Variants in TEX264 observed in about 807,000 individuals in gnomAD.
TEX264 encodes the protein testis expressed 264, ER-phagy receptor.
TEX264 carries 13 observed loss-of-function variants against 23.4 expected under a neutral mutation model. The observed-to-expected ratio is 0.56, with a 90% CI of 0.36 to 0.88. The LOEUF (loss-of-function observed/expected upper bound fraction) is 0.88. TEX264 is among the 40% of genes least tolerant of loss of function. The pLI, the probability that TEX264 is intolerant of heterozygous loss-of-function variation, is 0.01. For synonymous variants in TEX264, 159 were observed against 170.0 expected, an observed-to-expected ratio of 0.94 and a Z score of 0.50; for missense variants, 340 against 406.8, an observed-to-expected ratio of 0.84 and a Z score of 1.41.
intron 3 of TEX264, among the ~76,000 whole-genome samples, chr3:51,685,348 G>A (rs1380995560): frequency 6.6e-6 from 1 of 152,244 alleles, no homozygotes; most frequent in Non-Finnish European, 1.5e-5. Context: ...CATTTAACTT[G>A]TATTTATAGT....
At position 51,688,830 on chromosome 3, in the gene TEX264, G is replaced by T. The variant is rs565535071; in HGVS notation, c.480+4196G>T. Among the ~76,000 whole-genome samples the T allele has an allele frequency of 8.7e-4, 132 of 152,278 alleles. 1 individual carries two copies. Among genetic ancestry groups the T allele is most frequent in the Non-Finnish European group, 7.2e-4 (49 of 68,012 alleles). On this transcript the variant is annotated intron_variant, in intron 3 of 4. Transcript: ENST00000341333. ...GTTGACTGGGACTGTCTTACCAGGG[G>T]CTTAAAGGGGATAAGGCCAGGTGTG... is the stretch of plus-strand genomic sequence containing the variant.
chr3:51,684,411 A>G lies in TEX264; in HGVS notation c.259-2A>G. On this transcript the variant is annotated splice_acceptor_variant, in intron 2 of 4. Transcript: ENST00000341333. LOFTEE classifies it high-confidence loss of function. ...TCTCACACCCATGCTTTGCTTCCCC[A>G]GGTGCCCCCTGATAAGTGCCGATGT... 6.2e-7 allele frequency: 1 copy of G among 1,613,590 alleles called. No homozygotes were observed. Among genetic ancestry groups the G allele is most frequent in the Non-Finnish European group, 8.5e-7 (1 of 1,179,538 alleles).
At chr3:51,689,361 C>G (rs1211305891) in intron 3 of TEX264, among the ~76,000 whole-genome samples, 1 of 150,030 alleles carries the variant, frequency 6.7e-6, no homozygotes, top group African/African-American at 2.5e-5. Flanking sequence ...GCTCAGGAGA[C>G]AGAGGTTGCA....
At chr3:51,681,457 G>A (rs1306612820) in intron 2 of TEX264, 1 of 152,316 alleles carries the variant, frequency 6.6e-6, no homozygotes, top group Non-Finnish European at 1.5e-5. Flanking sequence ...AGAGAGGAGG[G>A]GCTGCTTGGT....
chr3:51,679,650 T>C (rs956166085), intron 2 of TEX264, among the ~76,000 whole-genome samples: 1 of 152,220 alleles, frequency 6.6e-6, no homozygotes, highest in African/African-American at 2.4e-5. Context: ...GAAGGCTGTT[T>C]GGATTTAATG....
At chr3:51,699,598 T>C (rs1703207047) in intron 4 of TEX264, 24 bp downstream of exon 4, 1 of 1,610,660 alleles carries the variant, frequency 6.2e-7, no homozygotes, top group Non-Finnish European at 8.5e-7. Flanking sequence ...GGTATGAGGA[T>C]GGGGCCCTCC....
At chr3:51,685,741 C>G (rs1311067579) in intron 3 of TEX264, among the ~76,000 whole-genome samples, 1 of 152,168 alleles carries the variant, frequency 6.6e-6, no homozygotes, top group East Asian at 1.9e-4. Flanking sequence ...AGATCTGGGA[C>G]CAGGTGGAGA....
intron 3 of TEX264, among the ~76,000 whole-genome samples, chr3:51,696,107 T>C (rs1162541283): frequency 1.3e-5 from 2 of 152,206 alleles, no homozygotes; most frequent in Non-Finnish European, 2.9e-5. Flanking sequence ...AGAGGCTTTA[T>C]AGTCTCCTTG....
In TEX264 at chr3:51,701,521, C is replaced by T. The variant is rs112684899; in HGVS notation, c.649+1947C>T. On this transcript the variant is annotated intron_variant, in intron 4 of 4. Transcript: ENST00000341333. The stretch of plus-strand genomic sequence containing the variant: ...TGTATTTTTTATAGAGATGGTGTTT[C>T]GCCATATTGCCCAGGCTGGCCTTGA... Among the ~76,000 whole-genome samples, 177 of 152,032 alleles carry T rather than the reference C, an allele frequency of 1.2e-3. 3 individuals are homozygous for T. In the South Asian group the frequency reaches 0.032, roughly 28 times the overall value.
intron 3 of TEX264, among the ~76,000 whole-genome samples, chr3:51,695,732 C>A (rs1703031013): frequency 1.3e-5 from 2 of 152,148 alleles, no homozygotes; most frequent in South Asian, 4.1e-4. Context: ...TGTGGTGTGT[C>A]CCCAAGGTAG....
At chr3:51,698,701 C>T (rs1164482701) in intron 3 of TEX264, among the ~76,000 whole-genome samples, 1 of 152,174 alleles carries the variant, frequency 6.6e-6, no homozygotes, top group Admixed American at 6.5e-5. Flanking sequence ...ACCTGACCTT[C>T]CAGTCCAGGG....
rs1414878968 is a variant in TEX264 at position 51,684,607 on chromosome 3, C to A, written c.453C>A (p.Val151=). ...CCATCTGGCTGGCTACCCGCCGTGT[C>A]CATCCTGCCTTGGACACCTACATCA... The part of the protein sequence containing the change: ...ILSIWLATRR[V]HPALDTYIKE... The change falls in exon 3 of 5, where the codon GTC becomes GTA. Residue 151 remains valine, a synonymous_variant. Coordinates refer to ENST00000341333, the MANE Select transcript of TEX264 (RefSeq NM_015926.6). The A allele has an allele frequency of 1.9e-6, 3 of 1,614,246 alleles. No homozygotes were observed. The South Asian group carries it at 3.3e-5, about 18-fold the overall frequency.
chr3:51,698,688 C>T (rs1158222445), intron 3 of TEX264, among the ~76,000 whole-genome samples: 1 of 152,186 alleles, frequency 6.6e-6, no homozygotes, highest in East Asian at 1.9e-4. Flanking sequence ...ATCTACTTGT[C>T]CTACCTGACC....
chr3:51,677,640 G>A (rs1023891332), intron 2 of TEX264, among the ~76,000 whole-genome samples: 15 of 152,188 alleles, frequency 9.9e-5, no homozygotes, highest in East Asian at 5.8e-4. Context: ...GCCATGCCTC[G>A]TCCTGTCCTC....
rs778091014 is a variant in TEX264 at position 51,674,552 on chromosome 3, A to G, written c.248A>G (p.Asn83Ser). Residue 83 changes from asparagine (N) to serine (S), a missense_variant, in exon 2 of 5, where the codon AAC (asparagine) becomes AGC (serine). Transcript: ENST00000341333. Reference protein sequence around the residue: ...KLRSIAVYYDNPHMVPPDKCR... With the variant: ...KLRSIAVYYDSPHMVPPDKCR... ...CGCTCCATCGCTGTCTACTATGACAACCCCCACATGGTAAGGAGTCTCCAT... is the reference window on the plus strand; with the variant it reads ...CGCTCCATCGCTGTCTACTATGACAGCCCCCACATGGTAAGGAGTCTCCAT... 6.8e-6 allele frequency: 11 copies of G among 1,613,604 alleles called. No homozygotes were observed. Among genetic ancestry groups the G allele is most frequent in the African/African-American group, 2.7e-5 (2 of 74,894 alleles).
intron 2 of TEX264, among the ~76,000 whole-genome samples, chr3:51,677,393 C>T (rs780274089): frequency 3.3e-5 from 5 of 152,114 alleles, no homozygotes; most frequent in Non-Finnish European, 5.9e-5. Context: ...CAGTGTGCAG[C>T]GTGGCATGCT....
At chr3:51,699,605 C>T (rs566855739) in intron 4 of TEX264, 31 bp downstream of exon 4, 8 of 1,607,814 alleles carry the variant, frequency 5.0e-6, no homozygotes, top group African/African-American at 1.3e-5. Flanking sequence ...GGATGGGGCC[C>T]TCCTGGAGCT....
At chr3:51,671,757 C>G (rs1249951410) in intron 1 of TEX264, 1 of 152,636 alleles carries the variant, frequency 6.6e-6, no homozygotes, top group Non-Finnish European at 1.5e-5. Flanking sequence ...GCGGCGGCCC[C>G]CCACCCTCCA....
chr3:51,684,643 C>T lies in TEX264; in HGVS notation c.480+9C>T, dbSNP rs767899900. 6 of 1,613,794 alleles carry T rather than the reference C, an allele frequency of 3.7e-6. No homozygotes were observed. In the African/African-American group the frequency reaches 6.7e-5, roughly 18 times the overall value. On this transcript the variant is annotated intron_variant, in intron 3 of 4. Coordinates refer to ENST00000341333, the MANE Select transcript of TEX264 (RefSeq NM_015926.6). ...TGGACACCTACATCAAGGTGAGGCA[C>T]AGGCCTGGGGTGTGTGTGTTGGGGA...
Sources: allele counts gnomAD v4.1 joint callset (sites outside exome capture counted in the v4.1 genomes callset), GRCh38; gene constraint gnomAD v4.1.1; transcripts MANE v1.5; gene names NCBI Gene and HGNC (gene_info 2026-07-23, HGNC 2026-07-21).